The following LRP4 variants were observed in gnomAD, a reference collection of about 807,000 sequenced individuals.
LRP4 encodes LDL receptor related protein 4.
Under a neutral mutation model 220.3 loss-of-function variants are expected in LRP4, and 95 were observed. The observed-to-expected ratio is 0.43, with a 90% CI of 0.37 to 0.51. LRP4 has a LOEUF of 0.51. LRP4 is among the 20% of genes least tolerant of loss of function. The pLI, the probability that LRP4 is intolerant of heterozygous loss-of-function variation, is 0.00. For missense variants in LRP4, 1,925 were observed against 2,567.0 expected (o/e 0.75, Z 5.40); for synonymous variants, 903 against 954.6 (o/e 0.95, Z 1.00).
chr11:46,886,646 T>C, intron 16 of LRP4, 113 bp from the exon 17 acceptor site: 1 of 867,338 alleles, frequency 1.2e-6, no homozygotes, highest in Non-Finnish European at 1.9e-6. Context: ...TGGGATCTGG[T>C]GCCCTTTGCC....
intron 1 of LRP4, among the ~76,000 whole-genome samples, chr11:46,917,810 G>C (rs189767750): frequency 1.3e-5 from 2 of 152,230 alleles, no homozygotes; most frequent in African/African-American, 4.8e-5. Context: ...CTGGAGTCCG[G>C]GAATCGTTCT....
rs771178579 is a variant in LRP4, at chr11:46,858,932, G to A, written c.*51C>T. 19 of 1,535,750 alleles carry A rather than the reference G, an allele frequency of 1.2e-5. No individual in the cohort carries two copies. The highest frequency in any genetic ancestry group is 1.7e-5 in the Non-Finnish European group (19 of 1,110,198). ...GCGGTGTAAGCGAGCACAAGGACTA[G>A]ACGTCCATAAAGGAGAAGGAACAGG... On this transcript the variant is annotated 3_prime_UTR_variant, in exon 38 of 38. Coordinates refer to ENST00000378623, the MANE Select transcript of LRP4 (RefSeq NM_002334.4).
rs767630245 is a variant in LRP4 at position 46,875,559 on chromosome 11, G to A, written c.3822C>T (p.Ser1274=). The part of the protein sequence containing the change: ...YIYWTDWQTR[S]IHRADKGTGS... ...CAGTACCCTTGTCAGCACGGTGGAT[G>A]CTCCGAGTCTGCCAGTCAGTCCAGT... The change falls in exon 27 of 38, where the codon AGC becomes AGT. Residue 1274 remains serine, a synonymous_variant. Coordinates refer to ENST00000378623, the MANE Select transcript of LRP4 (RefSeq NM_002334.4). This position sits in a 1 kb window ranked among gnomAD's most constrained non-coding sequence, Gnocchi z 4.5. The A allele has an allele frequency of 1.7e-5, 28 of 1,614,056 alleles. No homozygotes were observed. Among genetic ancestry groups the A allele is most frequent in the Non-Finnish European group, 2.4e-5 (28 of 1,180,036 alleles).
Position 46,886,415 on chromosome 11 carries a change from A to G in LRP4, c.2334T>C (p.Leu778=). 1 of 1,613,784 alleles carries G rather than the reference A, an allele frequency of 6.2e-7. No individual in the cohort carries two copies. The highest frequency in any genetic ancestry group is 8.5e-7 in the Non-Finnish European group (1 of 1,179,892). ...PLADVRSAVA[L]DWDSRDDHVY... ...CGTGGTCATCCCGGGAGTCCCAGTC[A>G]AGGGCCACAGCACTGCGCACGTCAG... The change falls in exon 17 of 38, where the codon CTT becomes CTC. Residue 778 remains leucine, a synonymous_variant. Coordinates refer to ENST00000378623, the MANE Select transcript of LRP4 (RefSeq NM_002334.4).
At chr11:46,891,805 G>C (rs1464958831) in intron 13 of LRP4, among the ~76,000 whole-genome samples, 1 of 151,910 alleles carries the variant, frequency 6.6e-6, no homozygotes, top group East Asian at 1.9e-4. Flanking sequence ...TTATAGAGAT[G>C]GGGTTTTGCC....
At chr11:46,901,414 G>A (rs900144434) in intron 2 of LRP4, among the ~76,000 whole-genome samples, 4 of 152,078 alleles carry the variant, frequency 2.6e-5, no homozygotes, top group African/African-American at 9.7e-5. Flanking sequence ...AGTCTTTTTG[G>A]CTGTACAATG....
chr11:46,895,104 G>A, intron 11 of LRP4, 62 bp downstream of exon 11: 1 of 1,607,018 alleles, frequency 6.2e-7, no homozygotes, highest in Non-Finnish European at 8.5e-7. Flanking sequence ...GAGCACCAGA[G>A]TACCTGGCCT....
intron 2 of LRP4, among the ~76,000 whole-genome samples, chr11:46,901,219 G>A (rs1941659089): frequency 6.6e-6 from 1 of 152,212 alleles, no homozygotes; most frequent in South Asian, 2.1e-4. Context: ...GGGGTTCACA[G>A]GGTAGGGGAA....
At chr11:46,865,568 G>A (rs1940674004) in intron 34 of LRP4, among the ~76,000 whole-genome samples, 1 of 152,166 alleles carries the variant, frequency 6.6e-6, no homozygotes, top group South Asian at 2.1e-4. Flanking sequence ...TATCACAAGA[G>A]CTAAATATCC....
At chr11:46,882,254 A>C (rs191097955) in intron 19 of LRP4, among the ~76,000 whole-genome samples, 1 of 152,204 alleles carries the variant, frequency 6.6e-6, no homozygotes, top group East Asian at 1.9e-4. Context: ...TGGGAGGCTG[A>C]GAGTATCACT....
At chr11:46,871,188 A>G (rs1450543673) in intron 31 of LRP4, among the ~76,000 whole-genome samples, 1 of 152,144 alleles carries the variant, frequency 6.6e-6, no homozygotes, top group African/African-American at 2.4e-5. Flanking sequence ...GTCAAAATGT[A>G]TTTTACTGTG....
intron 23 of LRP4, 93 bp from the exon 24 acceptor site, chr11:46,876,923 A>G: frequency 9.5e-7 from 1 of 1,052,624 alleles, no homozygotes; most frequent in Non-Finnish European, 1.5e-6. Context: ...AGAGCATGTC[A>G]GAGAGCTCTG....
chr11:46,867,857 A>T, intron 34 of LRP4, 122 bp downstream of exon 34: 1 of 1,167,882 alleles, frequency 8.6e-7, no homozygotes, highest in Non-Finnish European at 1.3e-6. Context: ...CCCAAATAAC[A>T]GGGACTGGTA....
Position 46,894,750 on chromosome 11 carries a change from T to C in LRP4, c.1379A>G (p.Tyr460Cys). Reference protein sequence around the residue: ...IRQVLPHRSEYTLLLNNLENA... With the variant: ...IRQVLPHRSECTLLLNNLENA... Reference sequence around the variant, plus strand: ...CTCCAGGTTGTTAAGCAGCAGTGTGTACTCAGAGCGGTGTGGCAGCACCTG... The same window carrying C: ...CTCCAGGTTGTTAAGCAGCAGTGTGCACTCAGAGCGGTGTGGCAGCACCTG... Residue 460 changes from tyrosine to cysteine, a missense_variant, in exon 12 of 38, where the codon TAC (tyrosine) becomes TGC (cysteine). Physicochemically the swap from Tyr to Cys is radical, Grantham distance 194. Transcript: ENST00000378623. 1 of 1,614,226 alleles carries C rather than the reference T, an allele frequency of 6.2e-7. No homozygotes were observed. Among genetic ancestry groups the C allele is most frequent in the Non-Finnish European group, 8.5e-7 (1 of 1,180,042 alleles).
In LRP4 at chr11:46,918,471, TC is replaced by T. The variant is rs1478492682; in HGVS notation, c.-93del. On this transcript the variant is annotated 5_prime_UTR_variant, in exon 1 of 38. Coordinates refer to ENST00000378623, the MANE Select transcript of LRP4 (RefSeq NM_002334.4). The surrounding 1 kb of genome is among the most constrained non-coding windows in gnomAD (Gnocchi z 6.0). ...GCGGAGGGTCCCCGAGGGGGAAGCG[TC>T]CCGGGTGCACGGCGGCCTGCGCGCC... 1.0e-6 allele frequency: 1 copy of T among 968,292 alleles called. No individual in the cohort carries two copies. The highest frequency in any genetic ancestry group is 1.3e-6 in the Non-Finnish European group (1 of 760,654). 60.0% of individuals were successfully genotyped at this position (968,292 alleles called of 1,614,324 possible). A position where few individuals can be genotyped will look rare whatever the true frequency, so the allele number is the denominator to read the frequency against.
chr11:46,893,333 AAG>A (rs1941460970), intron 12 of LRP4, among the ~76,000 whole-genome samples: 1 of 152,306 alleles, frequency 6.6e-6, no homozygotes, highest in South Asian at 2.1e-4. Flanking sequence ...TGAGGCACAA[AAG>A]AGTTAAGTAA....
At chr11:46,868,154 T>C (rs759458286) in intron 33 of LRP4, 40 bp from the exon 34 acceptor site, 1 of 1,613,074 alleles carries the variant, frequency 6.2e-7, no homozygotes, top group East Asian at 2.2e-5. Flanking sequence ...ACTGGAACCA[T>C]AAACATCTAC....
chr11:46,891,864 C>G (rs1941431394), intron 13 of LRP4, among the ~76,000 whole-genome samples: 1 of 152,166 alleles, frequency 6.6e-6, no homozygotes, highest in African/African-American at 2.4e-5. Flanking sequence ...AATCTGCCCA[C>G]CTCAGCATCC....
Position 46,868,976 on chromosome 11 carries a change from C to G in LRP4, c.4837+12G>C. The stretch of plus-strand genomic sequence containing the variant: ...GATGTTAAGGAAGCAGGCTCAGTAC[C>G]CGGGAGCCCACCTGTCTGCCGCTGA... On this transcript the variant is annotated intron_variant, in intron 32 of 37. Coordinates refer to ENST00000378623, the MANE Select transcript of LRP4 (RefSeq NM_002334.4). The G allele has an allele frequency of 6.2e-7, 1 of 1,614,124 alleles. No individual in the cohort carries two copies. The highest frequency in any genetic ancestry group is 8.5e-7 in the Non-Finnish European group (1 of 1,180,022).
Sources: allele counts gnomAD v4.1 joint callset (sites outside exome capture counted in the v4.1 genomes callset), GRCh38; gene constraint gnomAD v4.1.1; non-coding constraint Gnocchi (gnomAD v3.1); transcripts MANE v1.5; gene names NCBI Gene and HGNC (gene_info 2026-07-23, HGNC 2026-07-21).